Variants in MGAT5 observed in about 807,000 individuals in gnomAD.
The protein encoded by MGAT5 is alpha-1,6-mannosylglycoprotein 6-beta-N-acetylglucosaminyltransferase, also known as alpha-1,6-mannosylglycoprotein 6-beta-N-acetylglucosaminyltransferase A.
MGAT5 carries 30 observed loss-of-function variants against 94.3 expected under a neutral mutation model. The ratio of observed to expected loss-of-function variants is 0.32; its 90% confidence interval spans 0.24 to 0.43. The LOEUF is 0.43. Among genes scored for constraint, MGAT5 ranks in the 20% least tolerant of loss-of-function variants. The pLI is 1.00. For missense variants in MGAT5, 691 were observed against 905.5 expected (o/e 0.76, Z 3.04); for synonymous variants, 310 against 322.9 (o/e 0.96, Z 0.43).
chr2:134,285,064 A>G (rs1029227010), intron 2 of MGAT5, among the ~76,000 whole-genome samples: 3 of 152,196 alleles, frequency 2.0e-5, no homozygotes, highest in Non-Finnish European at 4.4e-5. Context: ...TTACCGTTAT[A>G]TATTTTAAAT....
chr2:134,373,914 T>C (rs1266783507), intron 10 of MGAT5, among the ~76,000 whole-genome samples: 1 of 152,182 alleles, frequency 6.6e-6, no homozygotes, highest in Non-Finnish European at 1.5e-5. Context: ...GGGAGAATAA[T>C]GTTCATTCCT....
intron 4 of MGAT5, among the ~76,000 whole-genome samples, chr2:134,331,238 G>A (rs1394852975): frequency 1.3e-5 from 2 of 152,092 alleles, no homozygotes; most frequent in Admixed American, 1.3e-4. Context: ...AAAACAAATT[G>A]TTGTATTTTA....
intron 15 of MGAT5, 102 bp downstream of exon 15, chr2:134,442,017 G>T: frequency 7.5e-7 from 1 of 1,338,170 alleles, no homozygotes; most frequent in Non-Finnish European, 1.0e-6. Context: ...CAAGCTACTG[G>T]GCTGTGGGGA....
At chr2:134,271,168 C>T (rs193054881) in intron 2 of MGAT5, among the ~76,000 whole-genome samples, 5 of 152,276 alleles carry the variant, frequency 3.3e-5, no homozygotes, top group African/African-American at 9.6e-5. Context: ...TGACTAAAAA[C>T]AACACCCAGA....
intron 1 of MGAT5, among the ~76,000 whole-genome samples, chr2:134,186,783 T>G (rs1689060041): frequency 6.6e-6 from 1 of 152,206 alleles, no homozygotes; most frequent in Non-Finnish European, 1.5e-5. Context: ...ATGCATTGAT[T>G]GAGGTCCTAC....
At chr2:134,174,084 A>G (rs749252047) in intron 1 of MGAT5, among the ~76,000 whole-genome samples, 2 of 152,274 alleles carry the variant, frequency 1.3e-5, no homozygotes, top group East Asian at 1.9e-4. Context: ...TTCTAAGCCC[A>G]AATGAGCCTT....
chr2:134,300,976 GA>G (rs1371990519), intron 2 of MGAT5, among the ~76,000 whole-genome samples: 2 of 152,048 alleles, frequency 1.3e-5, no homozygotes, highest in Non-Finnish European at 2.9e-5. Flanking sequence ...GCAAGATAAG[GA>G]ACATATTCAT....
intron 4 of MGAT5, among the ~76,000 whole-genome samples, chr2:134,335,162 G>A (rs745781190): frequency 6.6e-6 from 1 of 151,512 alleles, no homozygotes; most frequent in Admixed American, 6.6e-5. Flanking sequence ...AACTTACCCA[G>A]ACTGAGAGGG....
Position 134,454,094 on chromosome 2 carries a change from A to G in MGAT5, c.*5247A>G. 6.6e-6 allele frequency: 1 copy of G among 152,272 alleles called. No homozygotes were observed. Among genetic ancestry groups the G allele is most frequent in the Non-Finnish European group, 1.5e-5 (1 of 68,052 alleles). The allele number at this position is 152,272 out of a possible 1,614,324, so 9.4% of individuals were successfully genotyped here. On this transcript the variant is annotated 3_prime_UTR_variant, in exon 16 of 16. Coordinates refer to ENST00000281923, the MANE Select transcript of MGAT5 (RefSeq NM_002410.5). ...AGCCCAGATTTTGTGGAGCCTTAAG[A>G]CACTCCCTCAATGCCACCCTGACCC...
intron 10 of MGAT5, among the ~76,000 whole-genome samples, chr2:134,374,688 T>A (rs907531976): frequency 6.6e-6 from 1 of 152,230 alleles, no homozygotes; most frequent in Non-Finnish European, 1.5e-5. Context: ...CGAGTCCATC[T>A]GCAGTCAACA....
chr2:134,165,336 A>G (rs1266122653), intron 1 of MGAT5, among the ~76,000 whole-genome samples: 1 of 152,196 alleles, frequency 6.6e-6, no homozygotes, highest in South Asian at 2.1e-4. Context: ...TCTAATGCAC[A>G]TTAGAAAATT....
At chr2:134,187,290 T>TC (rs1689091037) in intron 1 of MGAT5, among the ~76,000 whole-genome samples, 1 of 152,132 alleles carries the variant, frequency 6.6e-6, no homozygotes, top group Non-Finnish European at 1.5e-5. Context: ...TGGAGAATTG[T>TC]CTGTAAGGGG....
At chr2:134,193,675 TTGTGTGTGTGTGTGTGTGTG>T (rs58044792) in intron 1 of MGAT5, among the ~76,000 whole-genome samples, 281 of 130,892 alleles carry the variant, frequency 2.1e-3, no homozygotes, top group African/African-American at 5.8e-3. Flanking sequence ...CCCCAAATCT[TTGTGTGTGTGTGTGTGTGTG>T]TGTGTGTGTG....
rs139691403 is a variant in MGAT5, at chr2:134,384,577, C to A, written c.1381-18411C>A. ...TAACTATTTGATTTTTACAATTACA[C>A]ATTTAACTTAAATTTCTCAAGTTCA... On this transcript the variant is annotated intron_variant, in intron 10 of 15. Coordinates refer to ENST00000281923, the MANE Select transcript of MGAT5 (RefSeq NM_002410.5). Among the ~76,000 whole-genome samples the A allele has an allele frequency of 4.1e-3, 621 of 152,316 alleles. 6 individuals are homozygous for A. Among genetic ancestry groups the A allele is most frequent in the African/African-American group, 0.014 (584 of 41,562 alleles).
chr2:134,273,347 A>G (rs1182154869), intron 2 of MGAT5, among the ~76,000 whole-genome samples: 1 of 152,042 alleles, frequency 6.6e-6, no homozygotes. Flanking sequence ...GAGCTGTGAG[A>G]GTTCAGTTTT....
At chr2:134,405,240 G>A (rs892374372) in intron 11 of MGAT5, among the ~76,000 whole-genome samples, 2 of 152,252 alleles carry the variant, frequency 1.3e-5, no homozygotes, top group East Asian at 1.9e-4. Context: ...AATGAGCAAG[G>A]ATTGCAGCCT....
intron 1 of MGAT5, among the ~76,000 whole-genome samples, chr2:134,143,759 A>T (rs1430280182): frequency 6.6e-6 from 1 of 152,202 alleles, no homozygotes; most frequent in East Asian, 1.9e-4. Flanking sequence ...GTAACCTGGT[A>T]ACAATGTTTA....
chr2:134,288,218 T>C (rs1685130607), intron 2 of MGAT5, among the ~76,000 whole-genome samples: 1 of 152,210 alleles, frequency 6.6e-6, no homozygotes, highest in Non-Finnish European at 1.5e-5. Flanking sequence ...ATGATAGACA[T>C]TGCCTATCAA....
At chr2:134,308,757 G>A (rs948239611) in intron 2 of MGAT5, among the ~76,000 whole-genome samples, 1 of 152,144 alleles carries the variant, frequency 6.6e-6, no homozygotes, top group Non-Finnish European at 1.5e-5. Context: ...TTTTAGGGCC[G>A]AGTATGGTGG....
Sources: allele counts gnomAD v4.1 joint callset (sites outside exome capture counted in the v4.1 genomes callset), GRCh38; gene constraint gnomAD v4.1.1; transcripts MANE v1.5; gene names NCBI Gene and HGNC (gene_info 2026-07-23, HGNC 2026-07-21).